PDGFRB: variants seen among roughly 807,000 people sequenced by gnomAD.
PDGFRB encodes platelet-derived growth factor receptor beta.
PDGFRB carries 42 observed loss-of-function variants against 120.2 expected under a neutral mutation model. The observed-to-expected ratio is 0.35, with a 90% CI of 0.27 to 0.45. The LOEUF is 0.45. Ranked by LOEUF, PDGFRB falls within the 20% of genes least tolerant of loss-of-function variation. The probability of loss-of-function intolerance (pLI) is 1.00; values close to 1 mark genes in which losing one functional copy is unlikely to be tolerated. For missense variants in PDGFRB, 1,149 were observed against 1,476.3 expected (o/e 0.78, Z 3.63); for synonymous variants, 586 against 606.8 (o/e 0.97, Z 0.50).
In PDGFRB at chr5:150,126,567, C is replaced by T; in HGVS notation, c.1627G>A (p.Val543Met). Reference protein sequence around the residue: ...VVISAILALVVLTIISLIILI... With the variant: ...VVISAILALVMLTIISLIILI... The stretch of plus-strand genomic sequence containing the variant: ...ATGATAAGGGAGATGATGGTGAGCA[C>T]CACCAGGGCCAGGATGGCTGAGATC... Residue 543 changes from valine (V) to methionine (M), a missense_variant, in exon 11 of 23, where the codon GTG (valine) becomes ATG (methionine). Physicochemically the swap from Val to Met is conservative, Grantham distance 21. Coordinates refer to ENST00000261799, the MANE Select transcript of PDGFRB (RefSeq NM_002609.4). 6.2e-7 allele frequency: 1 copy of T among 1,610,988 alleles called. No homozygotes were observed. The highest frequency in any genetic ancestry group is 8.5e-7 in the Non-Finnish European group (1 of 1,177,264).
At chr5:150,133,306 C>T (rs893851338) in intron 6 of PDGFRB, among the ~76,000 whole-genome samples, 1 of 152,108 alleles carries the variant, frequency 6.6e-6, no homozygotes, top group Admixed American at 6.5e-5. Context: ...TCTGGCTAGT[C>T]AGAAAGTCTA....
intron 8 of PDGFRB, among the ~76,000 whole-genome samples, chr5:150,131,737 A>C (rs562204074): frequency 8.6e-4 from 131 of 152,308 alleles, no homozygotes; most frequent in Non-Finnish European, 1.3e-3. Flanking sequence ...TGGCCTTGGT[A>C]CCTAAGTGCC....
rs572691956 is a variant in PDGFRB at position 150,131,248 on chromosome 5, T to C, written c.1244-586A>G. 8.5e-5 allele frequency among the ~76,000 whole-genome samples: 13 copies of C among 152,216 alleles called. No individual in the cohort carries two copies. The East Asian group carries it at 2.5e-3, about 29-fold the overall frequency. ...GATTTGCCCTTCTCCCAGCCCCCACTGCCCTATCCCCGTTCTGACTTCATC... is the reference window on the plus strand; with the variant it reads ...GATTTGCCCTTCTCCCAGCCCCCACCGCCCTATCCCCGTTCTGACTTCATC... On this transcript the variant is annotated intron_variant, in intron 8 of 22. Transcript: ENST00000261799.
chr5:150,151,888 A>C (rs1580824930), intron 1 of PDGFRB, among the ~76,000 whole-genome samples: 1 of 143,764 alleles, frequency 7.0e-6, no homozygotes, highest in African/African-American at 2.6e-5. Context: ...AAAAGTGGGG[A>C]GAGTTTATAT....
intron 1 of PDGFRB, 29 bp from the exon 2 acceptor site, chr5:150,137,082 A>C (rs1361414073): frequency 6.2e-7 from 1 of 1,604,182 alleles, no homozygotes; most frequent in African/African-American, 1.3e-5. Context: ...GTCAGGGCCC[A>C]GGGCAGGTGG....
At chr5:150,143,293 G>A (rs796666668) in intron 1 of PDGFRB, among the ~76,000 whole-genome samples, 2 of 152,344 alleles carry the variant, frequency 1.3e-5, no homozygotes, top group African/African-American at 4.8e-5. Flanking sequence ...AGCTAAGGGT[G>A]ACTACTGTAC....
chr5:150,124,849 C>A lies in PDGFRB; in HGVS notation c.1808-18G>T, dbSNP rs1435318384. ...GGTGCGTCCTGGTGCAGAGATGATCCATTAGCTCCTGGCCTACCAGGAAGC... is the reference window on the plus strand; with the variant it reads ...GGTGCGTCCTGGTGCAGAGATGATCAATTAGCTCCTGGCCTACCAGGAAGC... On this transcript the variant is annotated intron_variant, in intron 12 of 22. Transcript: ENST00000261799. 4 of 1,382,912 alleles carry A rather than the reference C, an allele frequency of 2.9e-6. No homozygotes were observed. The highest frequency in any genetic ancestry group is 4.1e-6 in the Non-Finnish European group (4 of 987,084). 85.7% of individuals were successfully genotyped at this position (1,382,912 alleles called of 1,614,324 possible). A position where few individuals can be genotyped will look rare whatever the true frequency, so the allele number is the denominator to read the frequency against.
At chr5:150,117,534 GCGCGCGCGC>G (rs1385488345) in intron 22 of PDGFRB, 75 bp downstream of exon 22, 4 of 646,378 alleles carry the variant, frequency 6.2e-6, no homozygotes, top group Non-Finnish European at 7.8e-6. Context: ...GGCAGCGCGC[GCGCGCGCGC>G]GCACACACAC....
chr5:150,146,624 T>C (rs1019238852), intron 1 of PDGFRB, among the ~76,000 whole-genome samples: 17 of 152,124 alleles, frequency 1.1e-4, no homozygotes, highest in East Asian at 3.9e-4. Flanking sequence ...TGATCATAGC[T>C]CACAGCTCAC....
intron 11 of PDGFRB, among the ~76,000 whole-genome samples, chr5:150,125,861 C>T (rs546427382): frequency 1.3e-5 from 2 of 152,326 alleles, no homozygotes; most frequent in East Asian, 3.9e-4. Context: ...TAGCTTCTCT[C>T]CCAGCCTTCG....
Position 150,121,440 on chromosome 5 carries a change from G to A in PDGFRB, c.2345-118C>T, listed in dbSNP as rs1760131164. On this transcript the variant is annotated intron_variant, in intron 16 of 22. Transcript: ENST00000261799. The surrounding 1 kb of genome is among the most constrained non-coding windows in gnomAD (Gnocchi z 4.1). The stretch of plus-strand genomic sequence containing the variant: ...AGACAGGTGGCTACTGATCGTCTAG[G>A]TCTCCCCTAAAAGGAGAATGATTTC... 1.4e-6 allele frequency: 1 copy of A among 723,290 alleles called. No individual in the cohort carries two copies. Among genetic ancestry groups the A allele is most frequent in the Admixed American group, 1.9e-5 (1 of 52,122 alleles). 44.8% of individuals were successfully genotyped at this position (723,290 alleles called of 1,614,324 possible).
chr5:150,136,690 G>A (rs1299126429), intron 2 of PDGFRB, among the ~76,000 whole-genome samples: 12 of 152,152 alleles, frequency 7.9e-5, no homozygotes, highest in East Asian at 1.9e-4. Context: ...GGTCCAAGCC[G>A]AGTGCCACAG....
At chr5:150,128,688 G>A (rs1218889034) in intron 10 of PDGFRB, among the ~76,000 whole-genome samples, 1 of 152,214 alleles carries the variant, frequency 6.6e-6, no homozygotes, top group African/African-American at 2.4e-5. Flanking sequence ...CATTTTTCAG[G>A]TTTTCACCTA....
Position 150,120,436 on chromosome 5 carries a change from G to T in PDGFRB, c.2587-313C>A, listed in dbSNP as rs1760095320. Among the ~76,000 whole-genome samples, 1 of 152,214 alleles carries T rather than the reference G, an allele frequency of 6.6e-6. No homozygotes were observed. The highest frequency in any genetic ancestry group is 2.4e-5 in the African/African-American group (1 of 41,468). On this transcript the variant is annotated intron_variant, in intron 18 of 22. Coordinates refer to ENST00000261799, the MANE Select transcript of PDGFRB (RefSeq NM_002609.4). This position sits in a 1 kb window ranked among gnomAD's most constrained non-coding sequence, Gnocchi z 4.3. Reference sequence around the variant, plus strand: ...AGGCACCCCCCAAGCTCTTATCCTGGCTGCCTTTGATCTCTGGGCCTAGCG... The same window carrying T: ...AGGCACCCCCCAAGCTCTTATCCTGTCTGCCTTTGATCTCTGGGCCTAGCG...
Position 150,120,624 on chromosome 5 carries a change from G to A in PDGFRB, c.2586+264C>T, listed in dbSNP as rs1401159790. ...CCACCACCACTGGAACAACACATTC[G>A]GCCTGTTCCCCCTTCCCCCACCCTG... On this transcript the variant is annotated intron_variant, in intron 18 of 22. Transcript: ENST00000261799. This position sits in a 1 kb window ranked among gnomAD's most constrained non-coding sequence, Gnocchi z 4.3. Among the ~76,000 whole-genome samples, 5 of 152,022 alleles carry A rather than the reference G, an allele frequency of 3.3e-5. No individual in the cohort carries two copies. The highest frequency in any genetic ancestry group is 1.3e-4 in the Admixed American group (2 of 15,266).
rs750127210 is a variant in PDGFRB at position 150,133,635 on chromosome 5, C to T, written c.885G>A (p.Glu295=). Residue 295 remains glutamate (E), a synonymous_variant, in exon 6 of 23, where the codon GAG becomes GAA. Coordinates refer to ENST00000261799, the MANE Select transcript of PDGFRB (RefSeq NM_002609.4). The part of the protein sequence containing the change: ...DSGTYTCNVT[E]SVNDHQDEKA... ...TTTCATCCTGATGGTCATTCACACT[C>T]TCCGTCACATTGCAGGTGTAGGTCC... 6.2e-7 allele frequency: 1 copy of T among 1,614,172 alleles called. No homozygotes were observed.
At position 150,123,053 on chromosome 5, in the gene PDGFRB, G is replaced by C. The variant is rs1377440487; in HGVS notation, c.2172C>G (p.Leu724=). The C allele has an allele frequency of 6.2e-7, 1 of 1,612,794 alleles. No individual in the cohort carries two copies. The highest frequency in any genetic ancestry group is 2.2e-5 in the East Asian group (1 of 44,892). The change falls in exon 15 of 23, where the codon CTC becomes CTG. Residue 724 remains leucine, a synonymous_variant. Transcript: ENST00000261799. ...ELYSNALPVG[L]PLPSHVSLTG... is the part of the protein sequence containing the mutation. The stretch of plus-strand genomic sequence containing the variant: ...CTCCCTCCTGGTACCTGGGCAGGGG[G>C]AGCCCAACGGGCAGAGCATTGCTGT...
chr5:150,133,062 C>T (rs543641392), intron 6 of PDGFRB, 120 bp from the exon 7 acceptor site: 9 of 710,316 alleles, frequency 1.3e-5, no homozygotes, highest in African/African-American at 1.1e-4. Flanking sequence ...ATGGAGTTTC[C>T]GGAGCTGAGG....
chr5:150,123,346 T>C, intron 14 of PDGFRB, 145 bp from the exon 15 acceptor site: 1 of 630,792 alleles, frequency 1.6e-6, no homozygotes, highest in South Asian at 1.9e-5. Context: ...TCTGGATTCT[T>C]TTCCTGCCTC....
Sources: allele counts gnomAD v4.1 joint callset (sites outside exome capture counted in the v4.1 genomes callset), GRCh38; gene constraint gnomAD v4.1.1; non-coding constraint Gnocchi (gnomAD v3.1); transcripts MANE v1.5; gene names NCBI Gene and HGNC (gene_info 2026-07-23, HGNC 2026-07-21).